KTN1: variants seen among roughly 807,000 people sequenced by gnomAD.
The protein encoded by KTN1 is kinectin 1.
Under a neutral mutation model 222.5 loss-of-function variants are expected in KTN1, and 130 were observed. The ratio of observed to expected loss-of-function variants is 0.58; its 90% confidence interval spans 0.51 to 0.68. The LOEUF (loss-of-function observed/expected upper bound fraction) is 0.68, where lower values mean the gene tolerates loss of function less well. Ranked by LOEUF, KTN1 falls within the 30% of genes least tolerant of loss-of-function variation. The pLI is 0.00. For missense variants in KTN1, 1,508 were observed against 1,500.4 expected (o/e 1.01, Z -0.08); for synonymous variants, 512 against 496.3 (o/e 1.03, Z -0.42).
At chr14:55,649,858 AT>A (rs71448463) in intron 22 of KTN1, 45 bp downstream of exon 22, 352,056 of 985,284 alleles carry the variant, frequency 0.36, 57,874 homozygotes, top group Middle Eastern at 0.43. Flanking sequence ...TCTTTGGTCC[AT>A]TTTTTTTTTG....
intron 43 of KTN1, chr14:55,683,731 C>G: frequency 1.2e-5 from 2 of 171,546 alleles, no homozygotes; most frequent in Non-Finnish European, 1.2e-5. Context: ...AAATCTATTT[C>G]TGCTCTTTTA....
At chr14:55,652,691 G>A (rs117473227) in intron 25 of KTN1, among the ~76,000 whole-genome samples, 159 bp from the exon 26 acceptor site, 5,333 of 152,254 alleles carry the variant, frequency 0.035, 308 homozygotes, top group East Asian at 0.13. Flanking sequence ...GAGCCACTGC[G>A]CCTGGCCTTG....
intron 26 of KTN1, 23 bp downstream of exon 26, chr14:55,652,963 A>C (rs576736781): frequency 6.9e-6 from 11 of 1,594,354 alleles, no homozygotes; most frequent in East Asian, 6.7e-5. Flanking sequence ...AAACAATAAA[A>C]AATAGCCTTT....
At position 55,580,237 on chromosome 14, in the gene KTN1, ACGGCACCTGAGCGACTGCGGCGGCGG is replaced by A. The variant is rs2030972794; in HGVS notation, c.-143_-118del. ...CGCCCGTTTCCTGCCGAGCGGCGCG[ACGGCACCTGAGCGACTGCGGCGGCGG>A]CGGCGGCGGCGGCGGCGCCTCGGAG... On this transcript the variant is annotated 5_prime_UTR_variant, in exon 1 of 44. Transcript: ENST00000395314. 1 of 149,106 alleles carries A rather than the reference ACGGCACCTGAGCGACTGCGGCGGCGG, an allele frequency of 6.7e-6. No homozygotes were observed. Among genetic ancestry groups the A allele is most frequent in the Non-Finnish European group, 1.5e-5 (1 of 68,162 alleles). The allele number at this position is 149,106 out of a possible 1,614,324, so 9.2% of individuals were successfully genotyped here.
At chr14:55,603,129 A>C (rs1425964827) in intron 1 of KTN1, among the ~76,000 whole-genome samples, 1 of 148,308 alleles carries the variant, frequency 6.7e-6, no homozygotes. Context: ...ATTGCCTCTC[A>C]CTCCTGCATC....
At chr14:55,680,618 T>G in intron 43 of KTN1, 2 of 852,568 alleles carry the variant, frequency 2.3e-6, no homozygotes, top group South Asian at 1.3e-5. Context: ...AGGGAGAGCT[T>G]AGGTATCCTG....
At chr14:55,680,744 C>T (rs1371032119) in intron 43 of KTN1, 14 of 1,348,154 alleles carry the variant, frequency 1.0e-5, no homozygotes, top group Non-Finnish European at 1.4e-5. Context: ...TAATTCAGGT[C>T]AGTTATCTCT....
At chr14:55,627,612 C>A (rs1243941087) in intron 5 of KTN1, among the ~76,000 whole-genome samples, 1 of 152,112 alleles carries the variant, frequency 6.6e-6, no homozygotes, top group Admixed American at 6.5e-5. Context: ...CCTATTCCCC[C>A]ACGCCCCGAC....
chr14:55,637,477 A>G, intron 11 of KTN1, 113 bp downstream of exon 11: 1 of 803,700 alleles, frequency 1.2e-6, no homozygotes, highest in Non-Finnish European at 1.9e-6. Context: ...AATGATGATG[A>G]ATAATTATAA....
In KTN1 at chr14:55,628,008, C is replaced by T. The variant is rs17128636; in HGVS notation, c.1060C>T (p.Arg354Trp). Reference protein sequence around the residue: ...VKEDAAATKDRCKQLTQEMMT... With the variant: ...VKEDAAATKDWCKQLTQEMMT... Reference sequence around the variant, plus strand: ...GGAAGATGCTGCTGCTACAAAGGATCGGTGTAAGCAGTTAACCCAGGTGAA... The same window carrying T: ...GGAAGATGCTGCTGCTACAAAGGATTGGTGTAAGCAGTTAACCCAGGTGAA... The change falls in exon 6 of 44, where the codon CGG becomes TGG. Residue 354 changes from arginine to tryptophan, a missense_variant. By Grantham distance (101) the Arg-to-Trp change is moderately radical (BLOSUM62 -3). Transcript: ENST00000395314. The T allele has an allele frequency of 1.1e-5, 17 of 1,611,610 alleles. No homozygotes were observed. Among genetic ancestry groups the T allele is most frequent in the East Asian group, 4.5e-5 (2 of 44,830 alleles).
intron 29 of KTN1, among the ~76,000 whole-genome samples, chr14:55,658,052 A>G (rs964061589): frequency 1.8e-4 from 28 of 152,234 alleles, no homozygotes; most frequent in Admixed American, 2.0e-4. Flanking sequence ...AAGGCTAGCC[A>G]CATTATTAAA....
At chr14:55,630,144 T>A (rs1336734026) in intron 7 of KTN1, 47 bp downstream of exon 7, 1 of 1,562,820 alleles carries the variant, frequency 6.4e-7, no homozygotes, top group South Asian at 1.1e-5. Flanking sequence ...TGCATTCACT[T>A]TATTAGCAAA....
chr14:55,628,590 C>T (rs985382941), intron 6 of KTN1, among the ~76,000 whole-genome samples: 2 of 152,120 alleles, frequency 1.3e-5, no homozygotes, highest in African/African-American at 4.8e-5. Flanking sequence ...GTGCTTGTTT[C>T]TCTTTCTAGG....
intron 1 of KTN1, among the ~76,000 whole-genome samples, chr14:55,581,148 A>G (rs2031468616): frequency 6.6e-6 from 1 of 152,118 alleles, no homozygotes; most frequent in African/African-American, 2.4e-5. Flanking sequence ...AAGTCTAGAG[A>G]AGTCGTCTGG....
chr14:55,659,080 T>C (rs2043820582), intron 30 of KTN1, among the ~76,000 whole-genome samples: 1 of 152,152 alleles, frequency 6.6e-6, no homozygotes, highest in Non-Finnish European at 1.5e-5. Context: ...TAAAAGATGC[T>C]ACCCAAAATA....
chr14:55,683,754 A>G (rs2046563190), intron 43 of KTN1: 1 of 224,160 alleles, frequency 4.5e-6, no homozygotes, highest in Admixed American at 5.7e-5. Context: ...TTATTTATTC[A>G]CTGGGGTAAG....
chr14:55,657,072 G>C (rs1282778032), intron 29 of KTN1, among the ~76,000 whole-genome samples: 1 of 151,524 alleles, frequency 6.6e-6, no homozygotes, highest in African/African-American at 2.4e-5. Flanking sequence ...GATTAATCTT[G>C]CTCACATTAC....
chr14:55,665,125 T>C (rs755372961), intron 33 of KTN1, among the ~76,000 whole-genome samples: 4 of 152,012 alleles, frequency 2.6e-5, no homozygotes, highest in Non-Finnish European at 5.9e-5. Context: ...CTGAGAGGTA[T>C]ATTGGGACCA....
rs2045596564 is a variant in KTN1, at chr14:55,673,179, A to G, written c.3695A>G (p.Asp1232Gly). 1.2e-6 allele frequency: 2 copies of G among 1,612,140 alleles called. No homozygotes were observed. The highest frequency in any genetic ancestry group is 1.7e-5 in the Admixed American group (1 of 59,972). Residue 1232 changes from aspartate (D) to glycine (G), a missense_variant, in exon 40 of 44, where the codon GAT becomes GGT. Coordinates refer to ENST00000395314, the MANE Select transcript of KTN1 (RefSeq NM_001079521.2). ...CTCTAAACTTCATTGCAGCTGAAAG[A>G]TCTGTTGACTGAATTGCAGAAAAAA... ...TYVTEVRELK[D>G]LLTELQKKLD...
Sources: allele counts gnomAD v4.1 joint callset (sites outside exome capture counted in the v4.1 genomes callset), GRCh38; gene constraint gnomAD v4.1.1; transcripts MANE v1.5; gene names NCBI Gene and HGNC (gene_info 2026-07-23, HGNC 2026-07-21).